SRBD1: variants seen among roughly 807,000 people sequenced by gnomAD.
The protein encoded by SRBD1 is S1 RNA binding domain 1.
Under a neutral mutation model 115.3 loss-of-function variants are expected in SRBD1, and 88 were observed. The observed-to-expected ratio is 0.76, with a 90% CI of 0.64 to 0.91. The LOEUF is 0.91. Among genes scored for constraint, SRBD1 ranks in the 40% least tolerant of loss-of-function variants. SRBD1 has a pLI of 0.00. For missense variants in SRBD1, 1,385 were observed against 1,177.4 expected (o/e 1.18, Z -2.58); for synonymous variants, 509 against 407.7 (o/e 1.25, Z -2.99).
intron 20 of SRBD1, among the ~76,000 whole-genome samples, chr2:45,390,822 A>G (rs1436642317): frequency 6.6e-6 from 1 of 152,230 alleles, no homozygotes; most frequent in South Asian, 2.1e-4. Context: ...ACAAAATAAA[A>G]ACCTTCTTTA....
chr2:45,516,340 C>A (rs978226923), intron 14 of SRBD1, among the ~76,000 whole-genome samples: 2 of 152,114 alleles, frequency 1.3e-5, no homozygotes, highest in African/African-American at 2.4e-5. Context: ...TTAATGGTAC[C>A]CCTGCCCCCA....
intron 16 of SRBD1, among the ~76,000 whole-genome samples, chr2:45,427,771 C>G (rs996280710): frequency 6.6e-6 from 1 of 152,154 alleles, no homozygotes; most frequent in Admixed American, 6.5e-5. Flanking sequence ...CCACTGAGAT[C>G]AAGTTGGCTT....
chr2:45,522,471 G>A (rs963683032), intron 14 of SRBD1, among the ~76,000 whole-genome samples: 6 of 152,120 alleles, frequency 3.9e-5, no homozygotes, highest in Non-Finnish European at 5.9e-5. Flanking sequence ...AGCCATGCAT[G>A]GTGCCTGGCC....
chr2:45,399,647 G>A (rs532876817), intron 19 of SRBD1, among the ~76,000 whole-genome samples: 1 of 152,044 alleles, frequency 6.6e-6, no homozygotes, highest in Non-Finnish European at 1.5e-5. Flanking sequence ...CATGCAGACA[G>A]ATTTAGATCT....
Position 45,599,445 on chromosome 2 carries a change from A to G in SRBD1, c.648+4T>C, listed in dbSNP as rs1674016487. The G allele has an allele frequency of 6.2e-7, 1 of 1,610,480 alleles. No homozygotes were observed. The highest frequency in any genetic ancestry group is 8.5e-7 in the Non-Finnish European group (1 of 1,177,810). ...CTAAAGTGACAGAAAAAGGCTGCAC[A>G]TACCTGTACCATGTCCCAATTCATT... is the stretch of plus-strand genomic sequence containing the variant. On this transcript the variant is annotated splice_donor_region_variant and intron_variant, in intron 4 of 20. Coordinates refer to ENST00000263736, the MANE Select transcript of SRBD1 (RefSeq NM_018079.5).
At chr2:45,491,196 A>C (rs1670281245) in intron 14 of SRBD1, among the ~76,000 whole-genome samples, 3 of 152,176 alleles carry the variant, frequency 2.0e-5, no homozygotes, top group Admixed American at 6.5e-5. Flanking sequence ...TTACGAAAAC[A>C]CTTTCTGTTT....
At chr2:45,442,771 T>A (rs906317707) in intron 16 of SRBD1, among the ~76,000 whole-genome samples, 2 of 152,204 alleles carry the variant, frequency 1.3e-5, no homozygotes, top group African/African-American at 4.8e-5. Context: ...AATCAGCAAC[T>A]TATTTCCATT....
intron 14 of SRBD1, among the ~76,000 whole-genome samples, chr2:45,491,635 C>T (rs531748815): frequency 6.6e-6 from 1 of 152,192 alleles, no homozygotes; most frequent in Admixed American, 6.5e-5. Flanking sequence ...AGTTAATATG[C>T]CAATTCTCTA....
intron 16 of SRBD1, among the ~76,000 whole-genome samples, chr2:45,444,527 T>C (rs1333986749): frequency 1.3e-5 from 2 of 152,204 alleles, no homozygotes; most frequent in African/African-American, 4.8e-5. Context: ...CTTTTCAGGG[T>C]AAGTTTAAAA....
intron 14 of SRBD1, among the ~76,000 whole-genome samples, chr2:45,529,941 T>C (rs899351409): frequency 2.0e-5 from 3 of 151,998 alleles, no homozygotes; most frequent in African/African-American, 7.2e-5. Flanking sequence ...GAGCCAGAAA[T>C]ATTCCTAATA....
chr2:45,605,489 A>G, intron 1 of SRBD1, 48 bp from the exon 2 acceptor site: 1 of 1,544,268 alleles, frequency 6.5e-7, no homozygotes, highest in Non-Finnish European at 8.9e-7. Flanking sequence ...TATTCTTATC[A>G]CTTTATTTGG....
At chr2:45,392,518 G>A (rs1403484492) in intron 20 of SRBD1, among the ~76,000 whole-genome samples, 1 of 152,108 alleles carries the variant, frequency 6.6e-6, no homozygotes, top group Admixed American at 6.5e-5. Context: ...TTGTTCAATG[G>A]GTTCATTGAC....
At chr2:45,482,613 AACACACACAC>A (rs70937962) in intron 15 of SRBD1, among the ~76,000 whole-genome samples, 14 of 148,560 alleles carry the variant, frequency 9.4e-5, no homozygotes, top group Middle Eastern at 3.2e-3. Flanking sequence ...CACAACGTTA[AACACACACAC>A]ACACACACAC....
At chr2:45,570,321 G>A (rs956996689) in intron 9 of SRBD1, among the ~76,000 whole-genome samples, 1 of 152,134 alleles carries the variant, frequency 6.6e-6, no homozygotes, top group Non-Finnish European at 1.5e-5. Context: ...AGGGAGAGTG[G>A]GGTCAATTTC....
At chr2:45,413,389 T>C (rs1667664356) in intron 18 of SRBD1, 96 bp from the exon 19 acceptor site, 3 of 1,405,672 alleles carry the variant, frequency 2.1e-6, no homozygotes, top group East Asian at 2.3e-5. Flanking sequence ...GTCATACAAA[T>C]ATGCGAAAAC....
At chr2:45,553,184 T>A (rs796816799) in intron 11 of SRBD1, among the ~76,000 whole-genome samples, 19 of 152,334 alleles carry the variant, frequency 1.2e-4, no homozygotes, top group African/African-American at 4.6e-4. Flanking sequence ...GTCCTTCTAT[T>A]AGTCCGTTCA....
chr2:45,578,699 G>A (rs568073281), intron 7 of SRBD1, among the ~76,000 whole-genome samples: 1 of 152,292 alleles, frequency 6.6e-6, no homozygotes, highest in Admixed American at 6.5e-5. Flanking sequence ...ACTGGAGGTG[G>A]GGGCGGGGTG....
At chr2:45,567,148 G>A (rs1345412436) in intron 9 of SRBD1, among the ~76,000 whole-genome samples, 2 of 151,904 alleles carry the variant, frequency 1.3e-5, no homozygotes, top group African/African-American at 4.8e-5. Flanking sequence ...GATAAAACGC[G>A]TATTTTTTTG....
chr2:45,562,513 T>G, intron 10 of SRBD1, 140 bp downstream of exon 10: 6 of 560,086 alleles, frequency 1.1e-5, no homozygotes, highest in African/African-American at 2.0e-5. Flanking sequence ...ATTACAGGCG[T>G]GAGCCACCGC....
Sources: allele counts gnomAD v4.1 joint callset (sites outside exome capture counted in the v4.1 genomes callset), GRCh38; gene constraint gnomAD v4.1.1; transcripts MANE v1.5; gene names NCBI Gene and HGNC (gene_info 2026-07-23, HGNC 2026-07-21).